Variants in NRXN1 observed in about 807,000 individuals in gnomAD.
NRXN1 encodes neurexin 1.
In NRXN1, 39 loss-of-function variants were observed where a neutral mutation model predicts 150.9. The ratio of observed to expected loss-of-function variants is 0.26; its 90% CI spans 0.20 to 0.34. The LOEUF is 0.34. NRXN1 is among the 10% of genes least tolerant of loss of function. The pLI, the probability that NRXN1 is intolerant of heterozygous loss-of-function variation, is 1.00. For synonymous variants in NRXN1, 924 were observed against 757.0 expected, an observed-to-expected ratio of 1.22 and a Z score of -3.62; for missense variants, 1,815 against 1,949.9, an observed-to-expected ratio of 0.93 and a Z score of 1.30.
chr2:50,542,155 C>A (rs1320983082), intron 9 of NRXN1, among the ~76,000 whole-genome samples: 1 of 152,076 alleles, frequency 6.6e-6, no homozygotes, highest in African/African-American at 2.4e-5. Flanking sequence ...GTGGTGCATG[C>A]CTGTAATCTC....
chr2:50,812,937 A>G (rs1018026334), intron 5 of NRXN1, among the ~76,000 whole-genome samples: 6 of 152,108 alleles, frequency 3.9e-5, no homozygotes, highest in African/African-American at 1.4e-4. Context: ...AATAACATAT[A>G]GTGGTTTTGA....
At chr2:50,442,674 G>T (rs940413791) in intron 17 of NRXN1, among the ~76,000 whole-genome samples, 1 of 152,094 alleles carries the variant, frequency 6.6e-6, no homozygotes, top group Non-Finnish European at 1.5e-5. Context: ...CAGAGTTACT[G>T]GCATAATGAT....
At chr2:49,937,823 T>G (rs1347327513) in intron 22 of NRXN1, among the ~76,000 whole-genome samples, 1 of 148,938 alleles carries the variant, frequency 6.7e-6, no homozygotes, top group Non-Finnish European at 1.5e-5. Flanking sequence ...AACACACATT[T>G]AAATGTAGAA....
At chr2:50,420,873 A>T (rs1308242051) in intron 17 of NRXN1, among the ~76,000 whole-genome samples, 2 of 151,862 alleles carry the variant, frequency 1.3e-5, no homozygotes, top group East Asian at 1.9e-4. Context: ...TGTTAATATT[A>T]ATAATTAATA....
intron 17 of NRXN1, among the ~76,000 whole-genome samples, chr2:50,331,547 T>G (rs1248718246): frequency 6.6e-6 from 1 of 152,200 alleles, no homozygotes; most frequent in East Asian, 1.9e-4. Flanking sequence ...CTTCTTGCAG[T>G]CTACTTCCTA....
At chr2:50,242,700 C>T (rs2066130143) in intron 17 of NRXN1, among the ~76,000 whole-genome samples, 1 of 151,422 alleles carries the variant, frequency 6.6e-6, no homozygotes, top group Non-Finnish European at 1.5e-5. Context: ...TGTAAGGGTG[C>T]AAAGACAAAG....
intron 17 of NRXN1, among the ~76,000 whole-genome samples, chr2:50,305,928 A>G (rs111238578): frequency 0.013 from 2,003 of 152,254 alleles, 48 homozygotes; most frequent in African/African-American, 0.045. Context: ...TTCATGATCA[A>G]TTTAGCCCTA....
intron 10 of NRXN1, among the ~76,000 whole-genome samples, chr2:50,535,376 C>T (rs940060204): frequency 2.6e-5 from 4 of 152,184 alleles, no homozygotes; most frequent in Admixed American, 6.5e-5. Context: ...CTACATTATT[C>T]TTTGTTGCAG....
intron 17 of NRXN1, among the ~76,000 whole-genome samples, chr2:50,402,473 G>C (rs1048241449): frequency 1.3e-5 from 2 of 152,010 alleles, no homozygotes; most frequent in East Asian, 3.9e-4. Context: ...GGAATAAATA[G>C]AATGTGGGGG....
chr2:50,135,804 T>A (rs1278668142), intron 18 of NRXN1, among the ~76,000 whole-genome samples: 1 of 152,196 alleles, frequency 6.6e-6, no homozygotes, highest in Non-Finnish European at 1.5e-5. Context: ...TAGACTTTCA[T>A]GTAGGAGAGA....
chr2:50,824,852 A>C, intron 5 of NRXN1, among the ~76,000 whole-genome samples: 1 of 152,284 alleles, frequency 6.6e-6, no homozygotes, highest in South Asian at 2.1e-4. Flanking sequence ...GATGAATAAC[A>C]AGAGGGAATA....
chr2:50,586,362 A>G (rs1673096869), intron 8 of NRXN1, among the ~76,000 whole-genome samples: 1 of 152,126 alleles, frequency 6.6e-6, no homozygotes, highest in African/African-American at 2.4e-5. Context: ...TTCCACAGTA[A>G]TAACAGCCAC....
At chr2:49,946,667 A>T (rs1445045359) in intron 21 of NRXN1, among the ~76,000 whole-genome samples, 2 of 152,058 alleles carry the variant, frequency 1.3e-5, no homozygotes, top group East Asian at 3.9e-4. Flanking sequence ...TGTTTTTGTC[A>T]GGTTTGTCAA....
chr2:50,385,675 A>C (rs2081286104), intron 17 of NRXN1, among the ~76,000 whole-genome samples: 2 of 152,138 alleles, frequency 1.3e-5, no homozygotes, highest in South Asian at 4.1e-4. Context: ...GTTCTCACAC[A>C]GCCTAAGAGC....
chr2:50,743,744 T>G (rs1699708930), intron 5 of NRXN1, among the ~76,000 whole-genome samples: 1 of 152,138 alleles, frequency 6.6e-6, no homozygotes, highest in Admixed American at 6.5e-5. Flanking sequence ...AAAACAACCC[T>G]AGATTTCCTT....
intron 12 of NRXN1, among the ~76,000 whole-genome samples, chr2:50,507,190 C>T (rs552166782): frequency 2.6e-5 from 4 of 152,176 alleles, no homozygotes; most frequent in Admixed American, 6.5e-5. Context: ...CTCCAGTGCT[C>T]AACACGTTCT....
At chr2:50,788,254 T>C (rs1039381573) in intron 5 of NRXN1, among the ~76,000 whole-genome samples, 3 of 150,018 alleles carry the variant, frequency 2.0e-5, no homozygotes, top group Non-Finnish European at 3.0e-5. Context: ...GCCTGGTTAA[T>C]TTTTTTTGTA....
intron 2 of NRXN1, among the ~76,000 whole-genome samples, chr2:50,933,659 G>A (rs1688106342): frequency 6.6e-6 from 1 of 152,096 alleles, no homozygotes; most frequent in Non-Finnish European, 1.5e-5. Flanking sequence ...TCATGTGGAA[G>A]AGAGAGCCAT....
In NRXN1 at chr2:50,053,456, C is replaced by G. The variant is rs1379894660; in HGVS notation, c.3943G>C (p.Asp1315His). Reference sequence around the variant, plus strand: ...TTTCCCACTATGGCGATGTTGGCATCGTTTTCGGCTGCCATATTCAGAACT... The same window carrying G: ...TTTCCCACTATGGCGATGTTGGCATGGTTTTCGGCTGCCATATTCAGAACT... ...LKVLNMAAEN[D>H]ANIAIVGNVR... Residue 1315 changes from aspartate to histidine, a missense_variant, in exon 21 of 23, where the codon GAT (aspartate) becomes CAT (histidine). Asp to His is a moderately conservative substitution (Grantham distance 81). Transcript: ENST00000401669. The G allele has an allele frequency of 1.2e-6, 2 of 1,614,000 alleles. No individual in the cohort carries two copies. Among genetic ancestry groups the G allele is most frequent in the Non-Finnish European group, 8.5e-7 (1 of 1,179,936 alleles).
Sources: allele counts gnomAD v4.1 joint callset (sites outside exome capture counted in the v4.1 genomes callset), GRCh38; gene constraint gnomAD v4.1.1; transcripts MANE v1.5; gene names NCBI Gene and HGNC (gene_info 2026-07-23, HGNC 2026-07-21).